The following RAPGEF1 variants were observed in gnomAD, a reference collection of about 807,000 sequenced individuals.
RAPGEF1 encodes CRK SH3-binding GNRP.
In RAPGEF1, 33 loss-of-function variants were observed where a neutral mutation model predicts 143.3. The ratio of observed to expected loss-of-function variants is 0.23; its 90% CI spans 0.17 to 0.31. The LOEUF (loss-of-function observed/expected upper bound fraction) is 0.31. RAPGEF1 is among the 10% of genes least tolerant of loss of function. The pLI, the probability that RAPGEF1 is intolerant of heterozygous loss-of-function variation, is 1.00. For missense variants in RAPGEF1, 1,199 were observed against 1,645.4 expected, an observed-to-expected ratio of 0.73 and a Z score of 4.69; for synonymous variants, 629 against 676.5, an observed-to-expected ratio of 0.93 and a Z score of 1.09.
rs939028928 is a variant in RAPGEF1, at chr9:131,583,428, C to T, written c.3415-726G>A. ...GCTGACACCCGGGTCTCTGACATGA[C>T]CCCTGGGTGGCCTGGGTCACACTCG... On this transcript the variant is annotated intron_variant, in intron 24 of 26. Transcript: ENST00000683357. This position sits in a 1 kb window ranked among gnomAD's most constrained non-coding sequence, Gnocchi z 4.7. Among the ~76,000 whole-genome samples the T allele has an allele frequency of 6.6e-6, 1 of 151,182 alleles. No individual in the cohort carries two copies. The highest frequency in any genetic ancestry group is 6.6e-5 in the Admixed American group (1 of 15,200).
chr9:131,579,488 C>A lies in RAPGEF1; in HGVS notation c.*9G>T, dbSNP rs577793635. 3.1e-6 allele frequency: 5 copies of A among 1,613,116 alleles called. No individual in the cohort carries two copies. The East Asian group carries it at 1.1e-4, about 36-fold the overall frequency. ...CCTCGAGCATTCTCCTGGATCCCGG[C>A]GTCTGCTCCTAGGTCTTCTCTTCCC... On this transcript the variant is annotated 3_prime_UTR_variant, in exon 27 of 27. Transcript: ENST00000683357.
At chr9:131,605,452 C>T (rs912014192) in intron 12 of RAPGEF1, among the ~76,000 whole-genome samples, 4 of 152,198 alleles carry the variant, frequency 2.6e-5, no homozygotes, top group Non-Finnish European at 5.9e-5. Context: ...CAGAGAACGG[C>T]TCAAGTGGCC....
chr9:131,621,895 G>T lies in RAPGEF1; in HGVS notation c.1806C>A (p.Leu602=). 1 of 1,613,650 alleles carries T rather than the reference G, an allele frequency of 6.2e-7. No homozygotes were observed. Among genetic ancestry groups the T allele is most frequent in the African/African-American group, 1.3e-5 (1 of 75,032 alleles). The part of the protein sequence containing the change: ...NEHIYQQKNK[L]LMEVYGFSDS... ...CGCTGAAGCCGTATACCTCCATGAG[G>T]AGCTTGTTCTTCTGCTGGTAGATGT... is the stretch of plus-strand genomic sequence containing the variant. The change falls in exon 11 of 27, where the codon CTC becomes CTA. Residue 602 remains leucine (L), a synonymous_variant. Coordinates refer to ENST00000683357, the MANE Select transcript of RAPGEF1 (RefSeq NM_001377935.1). This position sits in a 1 kb window ranked among gnomAD's most constrained non-coding sequence, Gnocchi z 4.5.
chr9:131,696,541 T>C (rs1235428713), intron 1 of RAPGEF1, among the ~76,000 whole-genome samples: 1 of 152,246 alleles, frequency 6.6e-6, no homozygotes, highest in African/African-American at 2.4e-5. Context: ...TCTTCCTCTG[T>C]GCCATGTTCT....
At position 131,626,099 on chromosome 9, in the gene RAPGEF1, C is replaced by A; in HGVS notation, c.1525G>T (p.Asp509Tyr). 2 of 1,613,918 alleles carry A rather than the reference C, an allele frequency of 1.2e-6. No individual in the cohort carries two copies. The highest frequency in any genetic ancestry group is 1.7e-6 in the Non-Finnish European group (2 of 1,179,874). The change falls in exon 10 of 27, where the codon GAC becomes TAC. Residue 509 changes from aspartate to tyrosine, a missense_variant. Physicochemically the swap from Asp to Tyr is radical, Grantham distance 160 (BLOSUM62 -3). This residue lies in a region of RAPGEF1 where 613 missense variants were observed against 710.9 expected (regional missense o/e 0.86). Coordinates refer to ENST00000683357, the MANE Select transcript of RAPGEF1 (RefSeq NM_001377935.1). ...PSQYDNISGEDLQSTAPIPSV... is the reference protein window; with the variant it reads ...PSQYDNISGEYLQSTAPIPSV... ...GGGATCGGGGCTGTGCTCTGCAGGT[C>A]CTCCCCAGAGATGTTGTCATACTGC...
At chr9:131,622,991 C>T (rs1564550133) in intron 10 of RAPGEF1, among the ~76,000 whole-genome samples, 1 of 152,166 alleles carries the variant, frequency 6.6e-6, no homozygotes, top group Non-Finnish European at 1.5e-5. Context: ...TGGTCTTGAA[C>T]TCCTGAACTC....
At chr9:131,697,788 T>C (rs1300668109) in intron 1 of RAPGEF1, among the ~76,000 whole-genome samples, 4 of 152,198 alleles carry the variant, frequency 2.6e-5, no homozygotes, top group African/African-American at 7.2e-5. Context: ...GATTCTGCTC[T>C]TGGAAAGCTT....
chr9:131,607,020 G>A (rs976309498), intron 12 of RAPGEF1, among the ~76,000 whole-genome samples: 5 of 152,186 alleles, frequency 3.3e-5, no homozygotes, highest in African/African-American at 1.2e-4. Context: ...TGTGTGTACA[G>A]CCGTGGCCCC....
chr9:131,698,890 T>C (rs1284615463), intron 1 of RAPGEF1, among the ~76,000 whole-genome samples: 1 of 152,212 alleles, frequency 6.6e-6, no homozygotes, highest in African/African-American at 2.4e-5. Flanking sequence ...AAGTGTAAAC[T>C]AGGTGCCCAG....
chr9:131,632,515 G>C (rs939425562), intron 5 of RAPGEF1, among the ~76,000 whole-genome samples: 2 of 152,216 alleles, frequency 1.3e-5, no homozygotes, highest in Middle Eastern at 3.4e-3. Context: ...GGTTATCACA[G>C]AATATACATA....
At position 131,627,941 on chromosome 9, in the gene RAPGEF1, G is replaced by T; in HGVS notation, c.1173C>A (p.Cys391Ter). 6.3e-7 allele frequency: 1 copy of T among 1,587,994 alleles called. No individual in the cohort carries two copies. Among genetic ancestry groups the T allele is most frequent in the Non-Finnish European group, 8.6e-7 (1 of 1,167,122 alleles). Residue 391 changes from cysteine to a stop codon, truncating the protein, a stop_gained, in exon 9 of 27, where the codon TGC (cysteine) becomes TGA (stop). Transcript: ENST00000683357. LOFTEE classifies it high-confidence loss of function. ...GTGTTTCACAGCTTGTGTTCCGGGA[G>T]CACTGCCCACTGTCCCTGTCCAGAG... ...LSSLDRDSGQ[C>*]SRNTSCETLD...
Position 131,598,389 on chromosome 9 carries a change from G to C in RAPGEF1, c.2502-79C>G, listed in dbSNP as rs75275981. ...GCCTGGAGGCCAAGGCAGTGCCGGT[G>C]TGCACGGCTCGAAACCGCTCCCGGA... On this transcript the variant is annotated intron_variant, in intron 15 of 26. Transcript: ENST00000683357. The C allele has an allele frequency of 4.4e-3, 5,653 of 1,282,452 alleles. 53 individuals carry two copies. The highest frequency in any genetic ancestry group is 3.6e-3 in the Non-Finnish European group (3,207 of 899,436). The allele number at this position is 1,282,452 out of a possible 1,614,324, so 79.4% of individuals were successfully genotyped here.
chr9:131,634,143 C>G (rs1269828524), intron 5 of RAPGEF1, among the ~76,000 whole-genome samples: 1 of 152,112 alleles, frequency 6.6e-6, no homozygotes, highest in Non-Finnish European at 1.5e-5. Context: ...GTCCCAGCTA[C>G]TCCGGAGGCT....
intron 1 of RAPGEF1, among the ~76,000 whole-genome samples, chr9:131,739,510 T>A (rs566724030): frequency 6.6e-6 from 1 of 151,458 alleles, no homozygotes; most frequent in African/African-American, 2.4e-5. Context: ...GCGGAGCGGC[T>A]AGCGCGCCCG....
Position 131,625,987 on chromosome 9 carries a change from G to A in RAPGEF1, c.1637C>T (p.Thr546Ile), listed in dbSNP as rs751402679. The stretch of plus-strand genomic sequence containing the variant: ...TGGGTCACCGGTTGACTCAGGAGCA[G>A]TAAAATCACCCACAAATTCGACAGG... Reference protein sequence around the residue: ...SAPVEFVGDFTAPESTGDPEK... With the variant: ...SAPVEFVGDFIAPESTGDPEK... The change falls in exon 10 of 27, where the codon ACT (threonine) becomes ATT (isoleucine). Residue 546 changes from threonine to isoleucine, a missense_variant. Coordinates refer to ENST00000683357, the MANE Select transcript of RAPGEF1 (RefSeq NM_001377935.1). The A allele has an allele frequency of 1.2e-6, 2 of 1,608,228 alleles. No homozygotes were observed. The highest frequency in any genetic ancestry group is 1.7e-5 in the Admixed American group (1 of 59,854).
intron 1 of RAPGEF1, among the ~76,000 whole-genome samples, chr9:131,698,507 T>C (rs73660030): frequency 0.056 from 8,535 of 152,244 alleles, 706 homozygotes; most frequent in African/African-American, 0.18. Context: ...CTGTGACAAA[T>C]TGTTTGCAGT....
Position 131,687,049 on chromosome 9 carries a change from T to C in RAPGEF1, c.62-36100A>G, listed in dbSNP as rs373606619. The stretch of plus-strand genomic sequence containing the variant: ...CGTTATGTTAAGTCAAATGTTATGT[T>C]AAATCAAATCAACACCAGCCTCTGG... On this transcript the variant is annotated intron_variant, in intron 1 of 26. Transcript: ENST00000683357. Among the ~76,000 whole-genome samples, 13 of 152,288 alleles carry C rather than the reference T, an allele frequency of 8.5e-5. No homozygotes were observed. In the East Asian group the frequency reaches 2.3e-3, roughly 27 times the overall value.
chr9:131,620,539 G>C (rs971007369), intron 11 of RAPGEF1, among the ~76,000 whole-genome samples: 1 of 152,130 alleles, frequency 6.6e-6, no homozygotes, highest in Non-Finnish European at 1.5e-5. Context: ...TCTGTGGGAC[G>C]GGCAGGGCAG....
At chr9:131,616,848 C>A (rs2282006) in intron 12 of RAPGEF1, among the ~76,000 whole-genome samples, 1 of 152,240 alleles carries the variant, frequency 6.6e-6, no homozygotes, top group South Asian at 2.1e-4. Flanking sequence ...ATGTTGGCAC[C>A]GTACTGAATC....
Sources: gnomAD v4.1 joint callset for allele counts (sites outside exome capture counted in the v4.1 genomes callset) on GRCh38, gnomAD v4.1.1 for gene constraint, gnomAD v4.1.1 regional missense constraint, Gnocchi (gnomAD v3.1) non-coding constraint, MANE v1.5 for transcripts, NCBI Gene and HGNC (gene_info 2026-07-23, HGNC 2026-07-21) for gene names.